MAP2K2: variants seen among roughly 807,000 people sequenced by gnomAD.
MAP2K2 encodes the protein dual specificity mitogen-activated protein kinase kinase 2.
Under a neutral mutation model 43.7 loss-of-function variants are expected in MAP2K2, and 24 were observed. The observed-to-expected ratio is 0.55, with a 90% CI of 0.40 to 0.77. The LOEUF (loss-of-function observed/expected upper bound fraction) is 0.77, where lower values mean the gene tolerates loss of function less well. Among genes scored for constraint, MAP2K2 ranks in the 30% least tolerant of loss-of-function variants. The pLI is 0.00. For missense variants in MAP2K2, 470 were observed against 566.8 expected, an observed-to-expected ratio of 0.83 and a Z score of 1.73; for synonymous variants, 244 against 239.7, an observed-to-expected ratio of 1.02 and a Z score of -0.17.
rs376672025 is a variant in MAP2K2, at chr19:4,102,181, T to C, written c.528+195A>G. Among the ~76,000 whole-genome samples, 341 of 152,294 alleles carry C rather than the reference T, an allele frequency of 2.2e-3. 12 individuals carry two copies. The South Asian group carries it at 0.068, about 30-fold the overall frequency. On this transcript the variant is annotated intron_variant, in intron 4 of 10. Transcript: ENST00000262948. ...ACCTATAACGTCTTCACTTGGCAGATGGTGACCTCAGGCCCCAAAAGGGAC... is the reference window on the plus strand; with the variant it reads ...ACCTATAACGTCTTCACTTGGCAGACGGTGACCTCAGGCCCCAAAAGGGAC...
rs2145080757 is a variant in MAP2K2 at position 4,117,596 on chromosome 19, C to T, written c.126G>A (p.Glu42=). 1.2e-6 allele frequency: 2 copies of T among 1,614,136 alleles called. No homozygotes were observed. Among genetic ancestry groups the T allele is most frequent in the Non-Finnish European group, 1.7e-6 (2 of 1,180,042 alleles). Residue 42 remains glutamate (E), a synonymous_variant, in exon 2 of 11, where the codon GAG becomes GAA. Transcript: ENST00000262948. The stretch of plus-strand genomic sequence containing the variant: ...TCTGCTGCTCGTCAAGTTCCAGCTC[C>T]TCCAGCTTCTTCTGCAGGTCCACCA... ...ANLVDLQKKL[E]ELELDEQQKK...
chr19:4,093,537 A>C (rs904872901), intron 10 of MAP2K2, among the ~76,000 whole-genome samples: 1 of 151,998 alleles, frequency 6.6e-6, no homozygotes, highest in African/African-American at 2.4e-5. Context: ...CTAAAAATAC[A>C]AAAATTAGCC....
intron 3 of MAP2K2, among the ~76,000 whole-genome samples, chr19:4,105,155 C>CGTGTGTGT (rs61710801): frequency 0.017 from 2,380 of 137,694 alleles, 99 homozygotes; most frequent in African/African-American, 0.066. Flanking sequence ...ACACGTCTAC[C>CGTGTGTGT]GTGTGTGTGT....
intron 10 of MAP2K2, among the ~76,000 whole-genome samples, chr19:4,094,057 TG>T (rs2040880130): frequency 6.6e-6 from 1 of 152,094 alleles, no homozygotes; most frequent in Admixed American, 6.5e-5. Context: ...GGGACCTGCT[TG>T]CCAGTGTGCA....
intron 1 of MAP2K2, among the ~76,000 whole-genome samples, chr19:4,119,959 G>A (rs978685148): frequency 1.3e-5 from 2 of 152,288 alleles, no homozygotes; most frequent in Non-Finnish European, 2.9e-5. Context: ...CGAGGCGATG[G>A]CGCTGGAGCT....
At chr19:4,123,421 A>G (rs560044076) in intron 1 of MAP2K2, among the ~76,000 whole-genome samples, 187 of 149,368 alleles carry the variant, frequency 1.3e-3, no homozygotes, top group Non-Finnish European at 2.1e-3. Context: ...CTACTCAGAG[A>G]CTCCCGTTAT....
At chr19:4,095,277 C>T in intron 9 of MAP2K2, 111 bp downstream of exon 9, 1 of 939,398 alleles carries the variant, frequency 1.1e-6, no homozygotes, top group Non-Finnish European at 1.6e-6. Context: ...CTGCCTAACG[C>T]TGCACTGGGA....
chr19:4,112,089 G>A (rs576722149), intron 2 of MAP2K2, among the ~76,000 whole-genome samples: 2 of 152,330 alleles, frequency 1.3e-5, no homozygotes, highest in African/African-American at 2.4e-5. Flanking sequence ...GCTTTGGGAC[G>A]GCACCCTGGA....
chr19:4,118,086 C>T (rs1034877320), intron 1 of MAP2K2, among the ~76,000 whole-genome samples: 10 of 152,100 alleles, frequency 6.6e-5, no homozygotes, highest in African/African-American at 2.2e-4. Context: ...TACAGGCTCC[C>T]GCCACCATGC....
intron 3 of MAP2K2, among the ~76,000 whole-genome samples, chr19:4,108,837 A>G (rs375689458): frequency 1.6e-4 from 24 of 152,192 alleles, no homozygotes; most frequent in African/African-American, 5.5e-4. Flanking sequence ...GAGGGGGAAG[A>G]CGAGGAAGAC....
Position 4,099,400 on chromosome 19 carries a change from C to T in MAP2K2, c.720G>A (p.Gln240=). The T allele has an allele frequency of 1.9e-6, 3 of 1,608,888 alleles. No homozygotes were observed. Among genetic ancestry groups the T allele is most frequent in the Non-Finnish European group, 2.5e-6 (3 of 1,177,888 alleles). The change falls in exon 7 of 11, where the codon CAG becomes CAA. Residue 240 remains glutamine (Q), a synonymous_variant. Coordinates refer to ENST00000262948, the MANE Select transcript of MAP2K2 (RefSeq NM_030662.4). ...CCGACTGCACCGAGTAATGTGTGCC[C>T]TGCAACCGCTCCGGCTGCAGCAGAG... ...TRSYMAPERL[Q]GTHYSVQSDI...
At chr19:4,118,171 T>C (rs1049523001) in intron 1 of MAP2K2, among the ~76,000 whole-genome samples, 1 of 152,080 alleles carries the variant, frequency 6.6e-6, no homozygotes, top group Non-Finnish European at 1.5e-5. Flanking sequence ...CTCCTGACAT[T>C]GAGTGATCCG....
intron 10 of MAP2K2, 115 bp downstream of exon 10, chr19:4,094,338 A>C: frequency 8.6e-7 from 1 of 1,163,044 alleles, no homozygotes; most frequent in East Asian, 2.6e-5. Flanking sequence ...GCCTGCCCAC[A>C]TCCTGGTCGC....
At chr19:4,099,705 G>C (rs1371060648) in intron 6 of MAP2K2, 1 of 472,412 alleles carries the variant, frequency 2.1e-6, no homozygotes, top group African/African-American at 1.9e-5. Flanking sequence ...AGGAAGCAGG[G>C]GCCTCCTCCT....
chr19:4,094,328 G>A, intron 10 of MAP2K2, 125 bp downstream of exon 10: 1 of 1,042,252 alleles, frequency 9.6e-7, no homozygotes. Context: ...GGCACACCCG[G>A]CCTGCCCACA....
Position 4,101,512 on chromosome 19 carries a change from C to T in MAP2K2, c.529-232G>A, listed in dbSNP as rs2041011935. 6.6e-6 allele frequency among the ~76,000 whole-genome samples: 1 copy of T among 152,206 alleles called. No homozygotes were observed. The highest frequency in any genetic ancestry group is 1.5e-5 in the Non-Finnish European group (1 of 68,028). ...AACCCCGGTTCCCATGGCCGCAGTGCCGCCGATGCCACTACTGCCTTTGAT... is the reference window on the plus strand; with the variant it reads ...AACCCCGGTTCCCATGGCCGCAGTGTCGCCGATGCCACTACTGCCTTTGAT... On this transcript the variant is annotated intron_variant, in intron 4 of 10. Coordinates refer to ENST00000262948, the MANE Select transcript of MAP2K2 (RefSeq NM_030662.4). This position sits in a 1 kb window ranked among gnomAD's most constrained non-coding sequence, Gnocchi z 6.3.
At position 4,123,878 on chromosome 19, in the gene MAP2K2, G is replaced by A; in HGVS notation, c.-3C>T. ...ACCGGCTTCCTCCGGGCCAGCATCG[G>A]GGCTCCGCGGGCCGGCGGCGGCGGC... is the stretch of plus-strand genomic sequence containing the variant. On this transcript the variant is annotated 5_prime_UTR_variant, in exon 1 of 11. Coordinates refer to ENST00000262948, the MANE Select transcript of MAP2K2 (RefSeq NM_030662.4). 1 of 1,440,778 alleles carries A rather than the reference G, an allele frequency of 6.9e-7. No homozygotes were observed. 89.2% of individuals were successfully genotyped at this position (1,440,778 alleles called of 1,614,324 possible).
At chr19:4,110,690 G>T (rs1275729488) in intron 2 of MAP2K2, 35 bp from the exon 3 acceptor site, 11 of 1,600,180 alleles carry the variant, frequency 6.9e-6, no homozygotes, top group Non-Finnish European at 9.4e-6. Context: ...GGCTTGGGGG[G>T]TGCCCGAAAA....
rs556640772 is a variant in MAP2K2 at position 4,097,142 on chromosome 19, C to T, written c.984+137G>A. The T allele has an allele frequency of 4.1e-4, 272 of 669,496 alleles. 2 individuals are homozygous for T. In the African/African-American group the frequency reaches 4.4e-3, roughly 11 times the overall value. The allele number at this position is 669,496 out of a possible 1,614,324, so 41.5% of individuals were successfully genotyped here. ...TTGGAAAGTGGAGGTTTCAGTGAGC[C>T]GAGAAGGCACCACTGTACTCCAGCC... On this transcript the variant is annotated intron_variant, in intron 8 of 10. Transcript: ENST00000262948.
Sources: gnomAD v4.1 joint callset for allele counts (sites outside exome capture counted in the v4.1 genomes callset) on GRCh38, gnomAD v4.1.1 for gene constraint, Gnocchi (gnomAD v3.1) non-coding constraint, MANE v1.5 for transcripts, NCBI Gene and HGNC (gene_info 2026-07-23, HGNC 2026-07-21) for gene names.